The following DNAH11 variants were observed in gnomAD, a reference collection of about 807,000 sequenced individuals.
DNAH11 encodes dynein axonemal heavy chain 11, also known as axonemal beta dynein heavy chain 11.
In DNAH11, 442 loss-of-function variants were observed where a neutral mutation model predicts 526.0. The observed-to-expected ratio is 0.84, with a 90% CI of 0.78 to 0.91. DNAH11 has a LOEUF of 0.91. Among genes scored for constraint, DNAH11 ranks in the 40% least tolerant of loss-of-function variants. DNAH11 has a pLI of 0.00. For missense variants in DNAH11, 6,989 were observed against 5,448.7 expected, an observed-to-expected ratio of 1.28 and a Z score of -8.90; for synonymous variants, 2,461 against 1,935.9, an observed-to-expected ratio of 1.27 and a Z score of -7.12.
chr7:21,602,570 TG>T (rs1785136323), intron 18 of DNAH11, among the ~76,000 whole-genome samples: 1 of 31,092 alleles, frequency 3.2e-5, no homozygotes, highest in Non-Finnish European at 1.0e-4. Flanking sequence ...TGTGTGTGTG[TG>T]TGTGTGTGTG....
intron 40 of DNAH11, among the ~76,000 whole-genome samples, chr7:21,708,238 A>C (rs1784343669): frequency 6.6e-6 from 1 of 152,146 alleles, no homozygotes; most frequent in Admixed American, 6.5e-5. Context: ...ATTTGTAAGC[A>C]AGCAGATCCC....
rs1387433439 is a variant in DNAH11 at position 21,599,912 on chromosome 7, G to C, written c.2793G>C (p.Leu931=). 6.3e-7 allele frequency: 1 copy of C among 1,596,446 alleles called. No individual in the cohort carries two copies. Among genetic ancestry groups the C allele is most frequent in the Non-Finnish European group, 8.6e-7 (1 of 1,168,454 alleles). ...TAATGCACGACTTAGACTTCTTTCTGAAGAATACAGAGAAACAATTGAAAC... is the reference window on the plus strand; with the variant it reads ...TAATGCACGACTTAGACTTCTTTCTCAAGAATACAGAGAAACAATTGAAAC... ...QAIMHDLDFF[L]KNTEKQLKPA... The change falls in exon 15 of 82, where the codon CTG becomes CTC. Residue 931 remains leucine (L), a synonymous_variant. Transcript: ENST00000409508.
chr7:21,654,511 G>A (rs6957625), intron 28 of DNAH11, among the ~76,000 whole-genome samples: 29,927 of 151,952 alleles, frequency 0.2, 4,204 homozygotes, highest in East Asian at 0.37. Context: ...GGTTGTTTCC[G>A]CCTTTTGGCT....
At chr7:21,748,556 A>G (rs754770338) in intron 51 of DNAH11, 24 bp from the exon 52 acceptor site, 8 of 1,468,294 alleles carry the variant, frequency 5.4e-6, no homozygotes, top group Admixed American at 2.3e-5. Context: ...ATTTTGTGCC[A>G]TAATGGGCGC....
rs185535626 is a variant in DNAH11, at chr7:21,710,175, A to G, written c.6684-378A>G. 5.9e-5 allele frequency among the ~76,000 whole-genome samples: 9 copies of G among 152,340 alleles called. No homozygotes were observed. In the East Asian group the frequency reaches 1.7e-3, roughly 29 times the overall value. Reference sequence around the variant, plus strand: ...ATGGAGACAGGTGAAATAAACAAATATTTGATCTAAAATGGATACTGAACA... The same window carrying G: ...ATGGAGACAGGTGAAATAAACAAATGTTTGATCTAAAATGGATACTGAACA... On this transcript the variant is annotated intron_variant, in intron 40 of 81. Transcript: ENST00000409508.
intron 21 of DNAH11, among the ~76,000 whole-genome samples, chr7:21,615,555 A>G (rs1785731802): frequency 6.6e-6 from 1 of 151,348 alleles, no homozygotes; most frequent in South Asian, 2.1e-4. Flanking sequence ...TAAAATAAAA[A>G]TTAATATATA....
At chr7:21,732,970 G>T (rs562304771) in intron 45 of DNAH11, among the ~76,000 whole-genome samples, 4 of 152,340 alleles carry the variant, frequency 2.6e-5, no homozygotes, top group Admixed American at 6.5e-5. Context: ...CAGTGGGGCT[G>T]CCATGATGGG....
intron 25 of DNAH11, 38 bp from the exon 26 acceptor site, chr7:21,635,833 A>G: frequency 1.3e-6 from 2 of 1,532,318 alleles, no homozygotes; most frequent in Non-Finnish European, 1.8e-6. Context: ...ATTCTACTAA[A>G]TTTAGCTACT....
chr7:21,739,728 G>T, intron 48 of DNAH11, 55 bp downstream of exon 48: 3 of 1,366,072 alleles, frequency 2.2e-6, no homozygotes, highest in Non-Finnish European at 3.1e-6. Context: ...TATTGTTTTC[G>T]AGTACAGCTT....
chr7:21,814,697 A>G (rs2127999347), intron 63 of DNAH11, among the ~76,000 whole-genome samples: 1 of 152,236 alleles, frequency 6.6e-6, no homozygotes, highest in East Asian at 1.9e-4. Context: ...ACTAGGTGAT[A>G]GGAATTTTTC....
At chr7:21,891,543 T>G (rs1328635096) in intron 76 of DNAH11, among the ~76,000 whole-genome samples, 2 of 152,222 alleles carry the variant, frequency 1.3e-5, no homozygotes, top group East Asian at 3.8e-4. Context: ...CTCAGGCTCA[T>G]AAATTCTTTT....
At chr7:21,569,688 A>G (rs1348666833) in intron 6 of DNAH11, among the ~76,000 whole-genome samples, 1 of 152,192 alleles carries the variant, frequency 6.6e-6, no homozygotes. Context: ...TACTTTAAAA[A>G]TTCATGTTCT....
At chr7:21,825,887 A>T (rs920919069) in intron 65 of DNAH11, among the ~76,000 whole-genome samples, 1 of 150,376 alleles carries the variant, frequency 6.6e-6, no homozygotes, top group Admixed American at 6.7e-5. Flanking sequence ...TGAACCTGGG[A>T]GGTGGAGCTC....
At chr7:21,762,337 G>A (rs575583848) in intron 54 of DNAH11, among the ~76,000 whole-genome samples, 1 of 152,320 alleles carries the variant, frequency 6.6e-6, no homozygotes, top group South Asian at 2.1e-4. Flanking sequence ...TACTATGCCA[G>A]TTACAAGTGT....
chr7:21,688,528 C>T (rs1350754125), intron 34 of DNAH11, among the ~76,000 whole-genome samples: 1 of 152,172 alleles, frequency 6.6e-6, no homozygotes, highest in African/African-American at 2.4e-5. Context: ...CTACCAGATG[C>T]CCAGGCTTCC....
At chr7:21,816,400 T>C (rs1458456647) in intron 63 of DNAH11, 67 bp from the exon 64 acceptor site, 2 of 1,302,768 alleles carry the variant, frequency 1.5e-6, no homozygotes, top group East Asian at 5.1e-5. Flanking sequence ...TTTGTTCTCT[T>C]CTTTTCTTGT....
At chr7:21,588,461 T>G in intron 10 of DNAH11, 51 bp from the exon 11 acceptor site, 1 of 1,605,590 alleles carries the variant, frequency 6.2e-7, no homozygotes, top group Non-Finnish European at 8.5e-7. Flanking sequence ...TTGGAAACCA[T>G]TCTGACTAAA....
chr7:21,867,248 A>G (rs950812405), intron 71 of DNAH11, among the ~76,000 whole-genome samples: 4 of 152,176 alleles, frequency 2.6e-5, no homozygotes, highest in African/African-American at 9.7e-5. Flanking sequence ...AGAGTTCTCA[A>G]CTTCCTTCCC....
chr7:21,791,604 C>T (rs1340352476), intron 61 of DNAH11, among the ~76,000 whole-genome samples: 1 of 152,142 alleles, frequency 6.6e-6, no homozygotes, highest in Non-Finnish European at 1.5e-5. Flanking sequence ...CTTAAGAGCT[C>T]CCCCATCTAC....
Sources: allele counts gnomAD v4.1 joint callset (sites outside exome capture counted in the v4.1 genomes callset), GRCh38; gene constraint gnomAD v4.1.1; transcripts MANE v1.5; gene names NCBI Gene and HGNC (gene_info 2026-07-23, HGNC 2026-07-21).